The following HIP1 variants were observed in gnomAD, a reference collection of about 807,000 sequenced individuals.
HIP1 encodes the protein huntingtin interacting protein 1, also known as huntingtin-interacting protein 1.
HIP1 carries 65 observed loss-of-function variants against 147.6 expected under a neutral mutation model. That is an observed-to-expected ratio of 0.44 (90% CI 0.36 to 0.54). HIP1 has a LOEUF of 0.54. Among genes scored for constraint, HIP1 ranks in the 20% least tolerant of loss-of-function variants. The probability of loss-of-function intolerance (pLI) is 0.00; values close to 1 mark genes in which losing one functional copy is unlikely to be tolerated. For synonymous variants in HIP1, 479 were observed against 504.0 expected (o/e 0.95, Z 0.67); for missense variants, 1,061 against 1,299.6 (o/e 0.82, Z 2.82).
intron 22 of HIP1, among the ~76,000 whole-genome samples, chr7:75,552,682 A>G (rs1421595635): frequency 6.6e-6 from 1 of 151,982 alleles, no homozygotes; most frequent in Non-Finnish European, 1.5e-5. Context: ...ATGAATGAAC[A>G]CAGTGTTATT....
rs587593752 is a variant in HIP1, at chr7:75,540,170, G to A, written c.2953-739C>T. On this transcript the variant is annotated intron_variant, in intron 29 of 30. Coordinates refer to ENST00000336926, the MANE Select transcript of HIP1 (RefSeq NM_005338.7). ...TGGCCGGGCATGGTGGCTTATGCCC[G>A]TAATCCCAGCACTTTGGGAGGCCAA... is the stretch of plus-strand genomic sequence containing the variant. Among the ~76,000 whole-genome samples the A allele has an allele frequency of 1.5e-3, 222 of 152,176 alleles. 3 individuals carry two copies. The highest frequency in any genetic ancestry group is 2.6e-3 in the Non-Finnish European group (177 of 68,012).
At chr7:75,708,297 G>A (rs150699613) in intron 1 of HIP1, among the ~76,000 whole-genome samples, 1 of 152,170 alleles carries the variant, frequency 6.6e-6, no homozygotes, top group East Asian at 1.9e-4. Context: ...CCATTCTGTA[G>A]GTTGCCTTTT....
At chr7:75,723,718 T>C in intron 1 of HIP1, among the ~76,000 whole-genome samples, 1 of 152,076 alleles carries the variant, frequency 6.6e-6, no homozygotes, top group Non-Finnish European at 1.5e-5. Flanking sequence ...GAAGTTACTC[T>C]GCTTTTAAGG....
chr7:75,646,436 G>A (rs984191016), intron 1 of HIP1, among the ~76,000 whole-genome samples: 1 of 152,218 alleles, frequency 6.6e-6, no homozygotes, highest in South Asian at 2.1e-4. Context: ...CTGACCACAG[G>A]GTCTACAAGT....
intron 1 of HIP1, among the ~76,000 whole-genome samples, chr7:75,653,160 A>AT (rs1799047186): frequency 6.6e-6 from 1 of 151,844 alleles, no homozygotes; most frequent in Non-Finnish European, 1.5e-5. Flanking sequence ...AAAAAAAAAA[A>AT]CAAATTTGAT....
In HIP1 at chr7:75,738,824, G is replaced by A. The variant is rs781844127; in HGVS notation, c.97C>T (p.Arg33Cys). The change falls in exon 1 of 31, where the codon CGC becomes TGC. Residue 33 changes from arginine (R) to cysteine (C), a missense_variant. Around this residue, in one of 3 missense-constraint regions of HIP1, gnomAD observed 225 missense variants for 292.9 expected, o/e 0.77. Coordinates refer to ENST00000336926, the MANE Select transcript of HIP1 (RefSeq NM_005338.7). ...GVGAGLEAAE[R>C]ESFERTQTVS... is the part of the protein sequence containing the mutation. The stretch of plus-strand genomic sequence containing the variant: ...ACCTGAGTCCGCTCGAAGCTCTCGC[G>A]CTCCGCCGCCTCCAGCCCAGCGCCG... 3.8e-6 allele frequency: 6 copies of A among 1,599,454 alleles called. No individual in the cohort carries two copies. The South Asian group carries it at 6.8e-5, about 18-fold the overall frequency.
chr7:75,732,298 C>T (rs141201642), intron 1 of HIP1, among the ~76,000 whole-genome samples: 227 of 152,242 alleles, frequency 1.5e-3, no homozygotes, highest in African/African-American at 5.2e-3. Context: ...CTCTTCTCAA[C>T]GCAGGATGCA....
intron 1 of HIP1, among the ~76,000 whole-genome samples, chr7:75,611,322 C>G (rs1042050219): frequency 3.3e-5 from 5 of 151,852 alleles, no homozygotes; most frequent in Non-Finnish European, 2.9e-5. Flanking sequence ...CAAAAAGTAG[C>G]CAGACATGGT....
At chr7:75,716,644 C>T (rs1281773342) in intron 1 of HIP1, among the ~76,000 whole-genome samples, 3 of 151,760 alleles carry the variant, frequency 2.0e-5, no homozygotes, top group Admixed American at 1.3e-4. Flanking sequence ...CTCAGCCTCC[C>T]GAGTAGCTGG....
rs562218690 is a variant in HIP1 at position 75,704,237 on chromosome 7, TTTTA to T, written c.120+34560_120+34563del. ...CATAACAGCCTTTTATTTTATTTTG[TTTTA>T]TTTATTTATTTATTTATTTTTGAGA... On this transcript the variant is annotated intron_variant, in intron 1 of 30. Coordinates refer to ENST00000336926, the MANE Select transcript of HIP1 (RefSeq NM_005338.7). Among the ~76,000 whole-genome samples, 6 of 152,216 alleles carry T rather than the reference TTTTA, an allele frequency of 3.9e-5. No individual in the cohort carries two copies. In the South Asian group the frequency reaches 6.2e-4, roughly 16 times the overall value.
At chr7:75,659,377 G>A (rs1554513238) in intron 1 of HIP1, among the ~76,000 whole-genome samples, 1 of 152,176 alleles carries the variant, frequency 6.6e-6, no homozygotes, top group African/African-American at 2.4e-5. Flanking sequence ...ACATAAGCAG[G>A]GCCGGCCATG....
At chr7:75,635,611 T>G (rs979316311) in intron 1 of HIP1, among the ~76,000 whole-genome samples, 65 of 147,288 alleles carry the variant, frequency 4.4e-4, no homozygotes, top group African/African-American at 1.5e-3. Context: ...CAGCCACTAG[T>G]GTGTGGAAGA....
At position 75,563,206 on chromosome 7, in the gene HIP1, C is replaced by G. The variant is rs782738453; in HGVS notation, c.861G>C (p.Gln287His). 2.5e-6 allele frequency: 4 copies of G among 1,614,212 alleles called. No homozygotes were observed. The South Asian group carries it at 4.4e-5, about 18-fold the overall frequency. Reference protein sequence around the residue: ...SNLQYFKRLIQIPQLPENPPN... With the variant: ...SNLQYFKRLIHIPQLPENPPN... ...TGCTTACCTCAGGCAGCTGGGGGAT[C>G]TGAATGAGCCGCTTGAAGTACTGCA... is the stretch of plus-strand genomic sequence containing the variant. Residue 287 changes from glutamine (Q) to histidine (H), a missense_variant, in exon 10 of 31, where the codon CAG becomes CAC. Physicochemically the swap from Gln to His is conservative, Grantham distance 24 (BLOSUM62 0). This residue lies in a region of HIP1 where 810 missense variants were observed against 946.8 expected (regional missense o/e 0.86). Transcript: ENST00000336926.
rs1346235201 is a variant in HIP1, at chr7:75,536,427, G to A, written c.*1745C>T. On this transcript the variant is annotated 3_prime_UTR_variant, in exon 31 of 31. Coordinates refer to ENST00000336926, the MANE Select transcript of HIP1 (RefSeq NM_005338.7). Reference sequence around the variant, plus strand: ...ACAACCCGTCATGTAGCAAAACCTAGCAATATTCTGTTGGAGCAGATCCTG... The same window carrying A: ...ACAACCCGTCATGTAGCAAAACCTAACAATATTCTGTTGGAGCAGATCCTG... 12 of 228,940 alleles carry A rather than the reference G, an allele frequency of 5.2e-5. No individual in the cohort carries two copies. The Admixed American group carries it at 6.8e-4, about 13-fold the overall frequency. 14.2% of individuals were successfully genotyped at this position (228,940 alleles called of 1,614,324 possible).
chr7:75,660,729 A>G (rs1421327450), intron 1 of HIP1, among the ~76,000 whole-genome samples: 3 of 152,172 alleles, frequency 2.0e-5, no homozygotes, highest in African/African-American at 4.8e-5. Context: ...AGCTCTTTCC[A>G]TCGTGCCCTG....
Position 75,719,373 on chromosome 7 carries a change from A to C in HIP1, c.120+19428T>G, listed in dbSNP as rs567314164. The stretch of plus-strand genomic sequence containing the variant: ...CAAAAAATTAGCCAGGCAAGGTGGC[A>C]GGCACCTATAGTCCCAGCTACTCAG... On this transcript the variant is annotated intron_variant, in intron 1 of 30. Transcript: ENST00000336926. 3.9e-4 allele frequency among the ~76,000 whole-genome samples: 59 copies of C among 152,080 alleles called. 1 individual carries two copies. The highest frequency in any genetic ancestry group is 2.6e-3 in the Admixed American group (39 of 15,256).
At chr7:75,633,726 T>C (rs1773479470) in intron 1 of HIP1, among the ~76,000 whole-genome samples, 3 of 152,118 alleles carry the variant, frequency 2.0e-5, no homozygotes, top group South Asian at 4.1e-4. Context: ...ATCTCTCCAG[T>C]TGGGCATTTA....
intron 1 of HIP1, among the ~76,000 whole-genome samples, chr7:75,615,481 G>A (rs1167382147): frequency 1.3e-5 from 2 of 151,268 alleles, no homozygotes; most frequent in Non-Finnish European, 3.0e-5. Flanking sequence ...GAGCCCAGGA[G>A]TTGGAGGCTG....
chr7:75,706,469 T>C (rs940850856), intron 1 of HIP1, among the ~76,000 whole-genome samples: 8 of 83,780 alleles, frequency 9.5e-5, no homozygotes, highest in African/African-American at 1.4e-4. Context: ...TTTGTATATA[T>C]CTTCTTTTTT....
Sources: allele counts gnomAD v4.1 joint callset (sites outside exome capture counted in the v4.1 genomes callset), GRCh38; gene constraint gnomAD v4.1.1; regional missense constraint gnomAD v4.1.1; transcripts MANE v1.5; gene names NCBI Gene and HGNC (gene_info 2026-07-23, HGNC 2026-07-21).